The following PPA1 variants were observed in gnomAD, a reference collection of about 807,000 sequenced individuals.
PPA1 encodes inorganic pyrophosphatase 1.
PPA1 carries 23 observed loss-of-function variants against 41.8 expected under a neutral mutation model. The observed-to-expected ratio is 0.55, with a 90% CI of 0.40 to 0.78. The LOEUF is 0.78. Ranked by LOEUF, PPA1 falls within the 30% of genes least tolerant of loss-of-function variation. The probability of loss-of-function intolerance (pLI) is 0.00; values close to 1 mark genes in which losing one functional copy is unlikely to be tolerated. For synonymous variants in PPA1, 101 were observed against 116.8 expected (o/e 0.86, Z 0.87); for missense variants, 320 against 361.6 (o/e 0.89, Z 0.93).
At chr10:70,222,280 G>T (rs566836737) in intron 2 of PPA1, among the ~76,000 whole-genome samples, 1 of 129,532 alleles carries the variant, frequency 7.7e-6, no homozygotes, top group South Asian at 2.5e-4. Flanking sequence ...AGGTTGCAGT[G>T]AACTGAGATC....
intron 1 of PPA1, among the ~76,000 whole-genome samples, chr10:70,231,723 G>T (rs1259148952): frequency 6.6e-6 from 1 of 152,188 alleles, no homozygotes; most frequent in Non-Finnish European, 1.5e-5. Context: ...ACTTAAAATT[G>T]GATAACTATG....
chr10:70,210,866 C>A (rs539185117), intron 6 of PPA1, among the ~76,000 whole-genome samples: 1 of 151,630 alleles, frequency 6.6e-6, no homozygotes, highest in Admixed American at 6.6e-5. Context: ...CCCGGGTTCA[C>A]GCCATTCTCC....
chr10:70,220,789 A>T (rs867402259), intron 2 of PPA1, among the ~76,000 whole-genome samples: 1,149 of 2,248 alleles, frequency 0.51, 436 homozygotes, highest in East Asian at 0.93. Context: ...TATATAATTT[A>T]TATATATATA....
At chr10:70,231,401 T>A (rs543576103) in intron 1 of PPA1, among the ~76,000 whole-genome samples, 1 of 152,116 alleles carries the variant, frequency 6.6e-6, no homozygotes, top group Non-Finnish European at 1.5e-5. Flanking sequence ...ACCCCGTCTC[T>A]ACTAAAAATA....
At chr10:70,213,876 A>C (rs1840048951) in intron 5 of PPA1, among the ~76,000 whole-genome samples, 1 of 152,210 alleles carries the variant, frequency 6.6e-6, no homozygotes, top group Admixed American at 6.5e-5. Flanking sequence ...ACTGAAGAAT[A>C]AGTCCTCCAT....
intron 2 of PPA1, among the ~76,000 whole-genome samples, chr10:70,220,835 T>TCTTACATATATAATATATAC (rs1564584333): frequency 8.1e-5 from 4 of 49,288 alleles, no homozygotes; most frequent in African/African-American, 1.9e-4. Flanking sequence ...TATATATAAT[T>TCTTACATATATAATATATAC]TTTATATATA....
At chr10:70,226,253 A>G (rs1472843486) in intron 2 of PPA1, among the ~76,000 whole-genome samples, 1 of 152,070 alleles carries the variant, frequency 6.6e-6, no homozygotes, top group East Asian at 1.9e-4. Context: ...GTGTAGAGCA[A>G]TAACTTAATT....
At chr10:70,229,950 C>T (rs1338623694) in intron 2 of PPA1, among the ~76,000 whole-genome samples, 1 of 152,092 alleles carries the variant, frequency 6.6e-6, no homozygotes, top group African/African-American at 2.4e-5. Context: ...CACTCTGTCA[C>T]CCAGCTGGAG....
At chr10:70,226,297 G>A (rs1203716484) in intron 2 of PPA1, among the ~76,000 whole-genome samples, 3 of 152,116 alleles carry the variant, frequency 2.0e-5, no homozygotes, top group Non-Finnish European at 4.4e-5. Context: ...GCTGCTGGCT[G>A]GGTGTGGGAG....
intron 9 of PPA1, chr10:70,205,394 C>G: frequency 6.6e-6 from 1 of 150,846 alleles, no homozygotes; most frequent in African/African-American, 2.4e-5. Context: ...AAAAAAAATT[C>G]AAGCCTCTTG....
intron 2 of PPA1, 69 bp from the exon 3 acceptor site, chr10:70,218,886 T>C (rs1840105685): frequency 1.7e-6 from 2 of 1,142,894 alleles, no homozygotes; most frequent in African/African-American, 1.5e-5. Flanking sequence ...CATGCACTAT[T>C]TCTTCCAAAG....
At chr10:70,209,492 A>G in intron 7 of PPA1, 66 bp downstream of exon 7, 1 of 1,508,526 alleles carries the variant, frequency 6.6e-7, no homozygotes, top group Non-Finnish European at 8.9e-7. Context: ...AGATGGTAAC[A>G]ATATGGTTAA....
At chr10:70,212,808 T>C (rs9415007) in intron 6 of PPA1, among the ~76,000 whole-genome samples, 60,164 of 149,482 alleles carry the variant, frequency 0.4, 12,437 homozygotes, top group African/African-American at 0.48. Flanking sequence ...TTTTATGTTA[T>C]GTAAAATTTA....
chr10:70,233,403 C>T lies in PPA1; in HGVS notation c.-76G>A, dbSNP rs1840315950. On this transcript the variant is annotated 5_prime_UTR_variant, in exon 1 of 11. Transcript: ENST00000373232. Reference sequence around the variant, plus strand: ...CGGCGCCGACTGACAAGGAGAGAGCCCCACGCCTGCGCACTGCGAGCACTG... The same window carrying T: ...CGGCGCCGACTGACAAGGAGAGAGCTCCACGCCTGCGCACTGCGAGCACTG... The T allele has an allele frequency of 1.3e-6, 2 of 1,507,776 alleles. No homozygotes were observed. Among genetic ancestry groups the T allele is most frequent in the Non-Finnish European group, 1.8e-6 (2 of 1,133,528 alleles). 93.4% of individuals were successfully genotyped at this position (1,507,776 alleles called of 1,614,324 possible). A position where few individuals can be genotyped will look rare whatever the true frequency, so the allele number is the denominator to read the frequency against.
chr10:70,220,220 G>A (rs1196759854), intron 2 of PPA1, among the ~76,000 whole-genome samples: 2 of 147,604 alleles, frequency 1.4e-5, no homozygotes, highest in African/African-American at 2.5e-5. Context: ...GTAAGCCACC[G>A]CACCTGGCCT....
At chr10:70,215,111 C>A (rs1172448325) in intron 4 of PPA1, among the ~76,000 whole-genome samples, 1 of 152,166 alleles carries the variant, frequency 6.6e-6, no homozygotes, top group Non-Finnish European at 1.5e-5. Context: ...AGGAGAATCG[C>A]TTGAACCCAG....
chr10:70,209,187 C>T lies in PPA1; in HGVS notation c.725+18G>A, dbSNP rs763166510. On this transcript the variant is annotated intron_variant, in intron 8 of 10. Transcript: ENST00000373232. Reference sequence around the variant, plus strand: ...TGGTCTGCTTTGTGTGTTAAACATGCAAAGTGTTTACACTTACCAACTGAT... The same window carrying T: ...TGGTCTGCTTTGTGTGTTAAACATGTAAAGTGTTTACACTTACCAACTGAT... 6.5e-7 allele frequency: 1 copy of T among 1,536,102 alleles called. No individual in the cohort carries two copies. Among genetic ancestry groups the T allele is most frequent in the South Asian group, 1.1e-5 (1 of 88,950 alleles).
chr10:70,231,893 T>C (rs1840293252), intron 1 of PPA1, among the ~76,000 whole-genome samples: 1 of 152,190 alleles, frequency 6.6e-6, no homozygotes, highest in Non-Finnish European at 1.5e-5. Flanking sequence ...AGCAGTGTGT[T>C]TGTTCTGCAT....
At chr10:70,220,514 A>AT (rs1419812249) in intron 2 of PPA1, among the ~76,000 whole-genome samples, 2 of 99,624 alleles carry the variant, frequency 2.0e-5, no homozygotes, top group African/African-American at 7.6e-5. Flanking sequence ...TTATATATAT[A>AT]AATTATATAT....
Sources: gnomAD v4.1 joint callset for allele counts (sites outside exome capture counted in the v4.1 genomes callset) on GRCh38, gnomAD v4.1.1 for gene constraint, MANE v1.5 for transcripts, NCBI Gene and HGNC (gene_info 2026-07-23, HGNC 2026-07-21) for gene names.